GPC5: variants seen among roughly 807,000 people sequenced by gnomAD.
GPC5 encodes glypican-5.
Under a neutral mutation model 53.9 loss-of-function variants are expected in GPC5, and 47 were observed. The observed-to-expected ratio is 0.87, with a 90% CI of 0.69 to 1.11. GPC5 has a LOEUF of 1.11. GPC5 is among the 50% of genes most tolerant of loss of function. The pLI is 0.00. For synonymous variants in GPC5, 286 were observed against 263.3 expected, an observed-to-expected ratio of 1.09 and a Z score of -0.84; for missense variants, 748 against 713.1, an observed-to-expected ratio of 1.05 and a Z score of -0.56.
chr13:91,683,210 G>A (rs1016561946), intron 2 of GPC5, among the ~76,000 whole-genome samples: 2 of 152,046 alleles, frequency 1.3e-5, no homozygotes, highest in African/African-American at 4.8e-5. Flanking sequence ...GAGTGATGTG[G>A]ATATAAGCCA....
chr13:92,266,804 A>C (rs2042805287), intron 7 of GPC5, among the ~76,000 whole-genome samples: 1 of 151,698 alleles, frequency 6.6e-6, no homozygotes, highest in Non-Finnish European at 1.5e-5. Context: ...GACACAAATT[A>C]TTTGATTCTT....
At chr13:91,556,586 C>A (rs1414696509) in intron 2 of GPC5, among the ~76,000 whole-genome samples, 3 of 151,110 alleles carry the variant, frequency 2.0e-5, no homozygotes, top group African/African-American at 7.3e-5. Flanking sequence ...CACACAGACA[C>A]CCACACACAC....
intron 6 of GPC5, among the ~76,000 whole-genome samples, chr13:92,106,877 C>T (rs1243693845): frequency 3.3e-5 from 5 of 152,076 alleles, no homozygotes; most frequent in Non-Finnish European, 7.4e-5. Context: ...CACCTTGCAA[C>T]AGATGACTTG....
At chr13:91,706,123 C>T (rs2036099249) in intron 3 of GPC5, among the ~76,000 whole-genome samples, 1 of 151,966 alleles carries the variant, frequency 6.6e-6, no homozygotes, top group Non-Finnish European at 1.5e-5. Flanking sequence ...TCATGATCCG[C>T]CCACCTTGGC....
chr13:91,710,355 A>T (rs926383514), intron 3 of GPC5, among the ~76,000 whole-genome samples: 2 of 152,220 alleles, frequency 1.3e-5, no homozygotes, highest in Non-Finnish European at 2.9e-5. Flanking sequence ...ATAATCTATG[A>T]TTCTTCTAAT....
chr13:91,868,800 G>A (rs1023897922), intron 5 of GPC5, among the ~76,000 whole-genome samples: 7 of 152,072 alleles, frequency 4.6e-5, no homozygotes, highest in Admixed American at 3.9e-4. Context: ...ATTTATGATT[G>A]TTTATTTTAT....
At chr13:92,352,241 T>C (rs1187689599) in intron 7 of GPC5, among the ~76,000 whole-genome samples, 1 of 152,102 alleles carries the variant, frequency 6.6e-6, no homozygotes, top group African/African-American at 2.4e-5. Flanking sequence ...GAATAACTCA[T>C]ATATTGACAC....
At chr13:91,431,247 T>G (rs1185052971) in intron 1 of GPC5, among the ~76,000 whole-genome samples, 2 of 152,146 alleles carry the variant, frequency 1.3e-5, no homozygotes, top group African/African-American at 4.8e-5. Context: ...GATGGGACAG[T>G]TTTGAGTGTC....
intron 7 of GPC5, among the ~76,000 whole-genome samples, chr13:92,685,609 T>C (rs1181332760): frequency 7.9e-6 from 1 of 127,304 alleles, no homozygotes; most frequent in Non-Finnish European, 1.6e-5. Flanking sequence ...ATGTGCACAT[T>C]GTGCAGGTTA....
At chr13:92,023,692 ACACTCTCT>A (rs1275389741) in intron 6 of GPC5, among the ~76,000 whole-genome samples, 7 of 105,432 alleles carry the variant, frequency 6.6e-5, no homozygotes, top group Admixed American at 5.6e-4. Context: ...ACACACACAC[ACACTCTCT>A]CTCTCTCTTA....
chr13:91,919,962 T>G (rs2039695319), intron 6 of GPC5, among the ~76,000 whole-genome samples: 1 of 152,200 alleles, frequency 6.6e-6, no homozygotes, highest in Non-Finnish European at 1.5e-5. Context: ...TGACTGGATC[T>G]CTACCCAGTG....
At chr13:92,020,271 T>G (rs1451336653) in intron 6 of GPC5, among the ~76,000 whole-genome samples, 1 of 152,118 alleles carries the variant, frequency 6.6e-6, no homozygotes, top group Non-Finnish European at 1.5e-5. Flanking sequence ...TAATTCCATC[T>G]GCAACTTTTA....
chr13:92,347,318 AG>A (rs2043421497), intron 7 of GPC5, among the ~76,000 whole-genome samples: 1 of 152,172 alleles, frequency 6.6e-6, no homozygotes, highest in South Asian at 2.1e-4. Context: ...TCACATACAA[AG>A]AAGTGTCACT....
intron 7 of GPC5, among the ~76,000 whole-genome samples, chr13:92,513,821 T>C (rs1181641536): frequency 6.6e-6 from 1 of 152,194 alleles, no homozygotes; most frequent in African/African-American, 2.4e-5. Flanking sequence ...ACCATATTTT[T>C]AGTAATTTTG....
intron 6 of GPC5, among the ~76,000 whole-genome samples, chr13:91,964,509 A>G (rs777753450): frequency 2.0e-5 from 3 of 152,168 alleles, no homozygotes; most frequent in Non-Finnish European, 4.4e-5. Context: ...TGATTGGTGT[A>G]TTTACAATCC....
intron 6 of GPC5, among the ~76,000 whole-genome samples, chr13:91,933,537 T>G (rs1212147610): frequency 6.6e-6 from 1 of 151,894 alleles, no homozygotes; most frequent in Non-Finnish European, 1.5e-5. Context: ...ATTCATCTCA[T>G]CCATGCAATG....
intron 6 of GPC5, among the ~76,000 whole-genome samples, chr13:91,942,821 T>C: frequency 6.6e-6 from 1 of 152,118 alleles, no homozygotes; most frequent in East Asian, 1.9e-4. Context: ...ACATAGGCAC[T>C]GAGGGAATCA....
At chr13:92,270,421 T>C (rs2042832208) in intron 7 of GPC5, among the ~76,000 whole-genome samples, 1 of 152,162 alleles carries the variant, frequency 6.6e-6, no homozygotes, top group Admixed American at 6.5e-5. Flanking sequence ...CACCTCTCTC[T>C]TTCTCCTGCT....
At chr13:91,674,836 C>A (rs2035344559) in intron 2 of GPC5, among the ~76,000 whole-genome samples, 1 of 151,676 alleles carries the variant, frequency 6.6e-6, no homozygotes, top group African/African-American at 2.4e-5. Flanking sequence ...CCCTTCATGA[C>A]CCTCTTCAAC....
Sources: gnomAD v4.1 joint callset for allele counts (sites outside exome capture counted in the v4.1 genomes callset) on GRCh38, gnomAD v4.1.1 for gene constraint, MANE v1.5 for transcripts, NCBI Gene and HGNC (gene_info 2026-07-23, HGNC 2026-07-21) for gene names.